The following DGKB variants were observed in gnomAD, a reference collection of about 807,000 sequenced individuals.
DGKB encodes the protein 90 kDa diacylglycerol kinase.
A neutral mutation model predicts 114.3 loss-of-function variants in DGKB; 67 were observed. That is an observed-to-expected ratio of 0.59 (90% CI 0.48 to 0.72). The LOEUF (loss-of-function observed/expected upper bound fraction) is 0.72, where lower values mean the gene tolerates loss of function less well. Ranked by LOEUF, DGKB falls within the 30% of genes least tolerant of loss-of-function variation. The probability of loss-of-function intolerance (pLI) is 0.00; values close to 1 mark genes in which losing one functional copy is unlikely to be tolerated. For synonymous variants in DGKB, 398 were observed against 323.1 expected, an observed-to-expected ratio of 1.23 and a Z score of -2.49; for missense variants, 907 against 975.2, an observed-to-expected ratio of 0.93 and a Z score of 0.93.
chr7:14,788,882 TA>T (rs556811668), intron 2 of DGKB, among the ~76,000 whole-genome samples: 3 of 152,098 alleles, frequency 2.0e-5, no homozygotes, highest in Non-Finnish European at 4.4e-5. Flanking sequence ...AACCTGCTTT[TA>T]AAAAAACCGT....
intron 12 of DGKB, among the ~76,000 whole-genome samples, chr7:14,673,720 C>T (rs17168340): frequency 0.057 from 8,622 of 151,944 alleles, 657 homozygotes; most frequent in African/African-American, 0.16. Context: ...TAAGGTGTTA[C>T]AACGTGGTGT....
chr7:14,369,491 G>T (rs1817262871), intron 21 of DGKB, among the ~76,000 whole-genome samples: 1 of 152,144 alleles, frequency 6.6e-6, no homozygotes, highest in Admixed American at 6.5e-5. Flanking sequence ...TTGAGGAATT[G>T]CCACATTGTC....
chr7:14,971,371 T>A (rs1019874935), intron 1 of DGKB, among the ~76,000 whole-genome samples: 1 of 152,174 alleles, frequency 6.6e-6, no homozygotes, highest in African/African-American at 2.4e-5. Flanking sequence ...GTTTCCTACC[T>A]CCGTTTCCAC....
intron 1 of DGKB, among the ~76,000 whole-genome samples, chr7:14,895,448 C>T (rs1426968041): frequency 6.6e-6 from 1 of 151,568 alleles, no homozygotes; most frequent in Non-Finnish European, 1.5e-5. Context: ...CCAGCTTGTT[C>T]TCCTATTAAT....
intron 1 of DGKB, among the ~76,000 whole-genome samples, chr7:14,908,544 C>A (rs1455532310): frequency 1.3e-5 from 2 of 152,092 alleles, no homozygotes; most frequent in Non-Finnish European, 2.9e-5. Context: ...TAGCTTTAAG[C>A]CATCTAAATG....
chr7:14,549,411 T>A lies in DGKB; in HGVS notation c.1770+24801A>T, dbSNP rs554819094. On this transcript the variant is annotated intron_variant, in intron 20 of 25. Coordinates refer to ENST00000402815, the MANE Select transcript of DGKB (RefSeq NM_001350709.2). The stretch of plus-strand genomic sequence containing the variant: ...AATTACCTAGGAATAAATATTTTTT[T>A]TTAAAAAATTGATATATATTTTCTG... Among the ~76,000 whole-genome samples the A allele has an allele frequency of 3.3e-5, 5 of 152,196 alleles. No homozygotes were observed. In the East Asian group the frequency reaches 9.7e-4, roughly 29 times the overall value.
At chr7:14,417,219 T>A (rs1029930788) in intron 21 of DGKB, among the ~76,000 whole-genome samples, 52 of 152,098 alleles carry the variant, frequency 3.4e-4, no homozygotes, top group African/African-American at 1.2e-3. Context: ...TCTACATTTT[T>A]AAATATATTA....
intron 20 of DGKB, among the ~76,000 whole-genome samples, chr7:14,487,080 T>G (rs1034567634): frequency 4.6e-5 from 7 of 152,180 alleles, no homozygotes; most frequent in South Asian, 4.1e-4. Context: ...CGTACCGTGG[T>G]GGGCAGAGTG....
intron 21 of DGKB, among the ~76,000 whole-genome samples, chr7:14,371,248 C>T (rs1010108459): frequency 2.6e-5 from 4 of 152,154 alleles, no homozygotes; most frequent in Non-Finnish European, 5.9e-5. Flanking sequence ...CTCCAAGCTG[C>T]TTTCCACAGT....
At chr7:14,157,720 G>A (rs756786356) in intron 25 of DGKB, among the ~76,000 whole-genome samples, 18 of 152,080 alleles carry the variant, frequency 1.2e-4, no homozygotes, top group African/African-American at 4.3e-4. Context: ...GAAGGTCAAA[G>A]ACATTTTAAA....
intron 1 of DGKB, among the ~76,000 whole-genome samples, chr7:14,886,308 C>A (rs1022420263): frequency 6.6e-6 from 1 of 151,784 alleles, no homozygotes; most frequent in Non-Finnish European, 1.5e-5. Context: ...TGGAAGGATG[C>A]AGATAAGCTC....
chr7:14,651,490 G>C (rs1048006327), intron 13 of DGKB, among the ~76,000 whole-genome samples: 5 of 145,762 alleles, frequency 3.4e-5, no homozygotes, highest in Middle Eastern at 3.5e-3. Flanking sequence ...GTATTGATGG[G>C]ACGTATCTCA....
chr7:14,892,963 T>C (rs985740937), intron 1 of DGKB, among the ~76,000 whole-genome samples: 1 of 149,158 alleles, frequency 6.7e-6, no homozygotes, highest in Non-Finnish European at 1.5e-5. Flanking sequence ...TGTGTGTGTA[T>C]ATATACATAC....
chr7:14,694,230 A>G (rs2128995605), intron 8 of DGKB, 36 bp from the exon 9 acceptor site: 1 of 1,539,476 alleles, frequency 6.5e-7, no homozygotes, highest in East Asian at 2.4e-5. Flanking sequence ...TTGGTGGTCA[A>G]CCAATAAAAT....
intron 13 of DGKB, among the ~76,000 whole-genome samples, chr7:14,631,105 G>A (rs1309700132): frequency 6.6e-6 from 1 of 151,584 alleles, no homozygotes; most frequent in Non-Finnish European, 1.5e-5. Context: ...TCCCTGAAAA[G>A]AAGGAGGTAG....
chr7:14,968,527 C>T (rs1454222588), intron 1 of DGKB, among the ~76,000 whole-genome samples: 1 of 152,290 alleles, frequency 6.6e-6, no homozygotes, highest in East Asian at 1.9e-4. Flanking sequence ...TTCCCATTCA[C>T]TTTCCTGGGG....
rs192666252 is a variant in DGKB, at chr7:14,855,144, T to G, written c.-187-13694A>C. Among the ~76,000 whole-genome samples, 79 of 152,312 alleles carry G rather than the reference T, an allele frequency of 5.2e-4. 1 individual carries two copies. The highest frequency in any genetic ancestry group is 1.9e-3 in the African/African-American group (78 of 41,574). On this transcript the variant is annotated intron_variant, in intron 1 of 25. Coordinates refer to ENST00000402815, the MANE Select transcript of DGKB (RefSeq NM_001350709.2). ...AGGTTGTAATATTTTAAATTAGGTC[T>G]ATCTCAAAAAAAGATTGGTGAACAG...
In DGKB at chr7:14,392,995, G is replaced by GTTTTTGTTTTTTTGTTTTTTTT; in HGVS notation, c.1836-47605_1836-47604insAAAAAAAACAAAAAAACAAAAA. On this transcript the variant is annotated intron_variant, in intron 21 of 25. Coordinates refer to ENST00000402815, the MANE Select transcript of DGKB (RefSeq NM_001350709.2). ...CAAAACAGACCTGTTTTTTGTTTTT[G>GTTTTTGTTTTTTTGTTTTTTTT]TTTTTTTTTTTTTGAGACGGAGTCT... Among the ~76,000 whole-genome samples, 5 of 60,546 alleles carry GTTTTTGTTTTTTTGTTTTTTTT rather than the reference G, an allele frequency of 8.3e-5. 1 individual carries two copies. Among genetic ancestry groups the GTTTTTGTTTTTTTGTTTTTTTT allele is most frequent in the East Asian group, 5.3e-4 (1 of 1,898 alleles). The allele number at this position is 60,546 out of a possible 152,430, so 39.7% of individuals were successfully genotyped here.
At chr7:14,418,734 T>TTCATTAGCA (rs148486270) in intron 21 of DGKB, among the ~76,000 whole-genome samples, 4,773 of 151,964 alleles carry the variant, frequency 0.031, 114 homozygotes, top group Middle Eastern at 0.068. Flanking sequence ...CTAGGTTAAT[T>TTCATTAGCA]TCATTAGCAT....
Sources: gnomAD v4.1 joint callset for allele counts (sites outside exome capture counted in the v4.1 genomes callset) on GRCh38, gnomAD v4.1.1 for gene constraint, MANE v1.5 for transcripts, NCBI Gene and HGNC (gene_info 2026-07-23, HGNC 2026-07-21) for gene names.